The following C16orf78 variants were observed in gnomAD, a reference collection of about 807,000 sequenced individuals.
C16orf78 encodes the protein uncharacterized protein C16orf78.
In C16orf78, 19 loss-of-function variants were observed where a neutral mutation model predicts 27.3. That is an observed-to-expected ratio of 0.70 (90% CI 0.49 to 1.02). The LOEUF (loss-of-function observed/expected upper bound fraction) is 1.02, where lower values mean the gene tolerates loss of function less well. C16orf78 is among the 50% of genes least tolerant of loss of function. The pLI, the probability that C16orf78 is intolerant of heterozygous loss-of-function variation, is 0.00. For synonymous variants in C16orf78, 130 were observed against 116.1 expected (o/e 1.12, Z -0.77); for missense variants, 339 against 337.0 (o/e 1.01, Z -0.05).
At chr16:49,386,840 C>T (rs1262569408) in intron 3 of C16orf78, among the ~76,000 whole-genome samples, 1 of 152,114 alleles carries the variant, frequency 6.6e-6, no homozygotes, top group African/African-American at 2.4e-5. Flanking sequence ...CTTTATTCAG[C>T]CTACCATCAA....
chr16:49,397,237 C>G (rs1667450418), intron 4 of C16orf78, among the ~76,000 whole-genome samples: 1 of 152,166 alleles, frequency 6.6e-6, no homozygotes, highest in Admixed American at 6.5e-5. Context: ...ACCCCAGATT[C>G]CCCCATCAAA....
At chr16:49,376,940 A>G (rs1965226431) in intron 1 of C16orf78, among the ~76,000 whole-genome samples, 1 of 151,984 alleles carries the variant, frequency 6.6e-6, no homozygotes. Context: ...GCATATTCCC[A>G]GAGGAGATCC....
intron 3 of C16orf78, among the ~76,000 whole-genome samples, chr16:49,389,025 G>A (rs1359812140): frequency 6.6e-6 from 1 of 152,188 alleles, no homozygotes; most frequent in East Asian, 1.9e-4. Context: ...TTTCTAACTT[G>A]TTCCATCTAT....
At chr16:49,375,547 A>G (rs1323700521) in intron 1 of C16orf78, among the ~76,000 whole-genome samples, 1 of 152,156 alleles carries the variant, frequency 6.6e-6, no homozygotes, top group East Asian at 1.9e-4. Context: ...TCATGACAGT[A>G]CCAAGGGGAA....
chr16:49,388,325 A>G (rs79245383), intron 3 of C16orf78, among the ~76,000 whole-genome samples: 1,966 of 152,178 alleles, frequency 0.013, 26 homozygotes, highest in Middle Eastern at 0.024. Context: ...AGATTTCTCT[A>G]ACTTTTTGAT....
At chr16:49,375,891 G>A (rs1484179131) in intron 1 of C16orf78, among the ~76,000 whole-genome samples, 1 of 152,156 alleles carries the variant, frequency 6.6e-6, no homozygotes, top group East Asian at 1.9e-4. Flanking sequence ...ATATGTTCAG[G>A]TCTATCTCCT....
intron 1 of C16orf78, 54 bp downstream of exon 1, chr16:49,374,143 T>C (rs1216765890): frequency 1.3e-6 from 2 of 1,595,838 alleles, no homozygotes; most frequent in African/African-American, 1.3e-5. Context: ...GTAGTTGCAG[T>C]AGGGGAGAGA....
intron 3 of C16orf78, among the ~76,000 whole-genome samples, chr16:49,382,628 C>T (rs577926520): frequency 1.2e-4 from 18 of 152,176 alleles, no homozygotes; most frequent in South Asian, 4.2e-4. Context: ...TAAGGTGAGG[C>T]GAACCAGGAG....
intron 3 of C16orf78, among the ~76,000 whole-genome samples, chr16:49,381,514 A>G (rs1265688197): frequency 6.6e-6 from 1 of 152,218 alleles, no homozygotes; most frequent in African/African-American, 2.4e-5. Flanking sequence ...CAACCTACTC[A>G]TCTGACAAAG....
intron 4 of C16orf78, among the ~76,000 whole-genome samples, chr16:49,398,042 G>A (rs1378874353): frequency 6.6e-6 from 1 of 152,186 alleles, no homozygotes; most frequent in East Asian, 1.9e-4. Context: ...CTGGATTACA[G>A]ATGTGAGCCA....
intron 4 of C16orf78, among the ~76,000 whole-genome samples, chr16:49,398,008 C>T (rs1965494997): frequency 6.6e-6 from 1 of 152,182 alleles, no homozygotes; most frequent in African/African-American, 2.4e-5. Context: ...TCAGGTGGTT[C>T]ACCTTCCTTG....
chr16:49,394,949 C>T lies in C16orf78; in HGVS notation c.395-1474C>T, dbSNP rs537709171. Among the ~76,000 whole-genome samples the T allele has an allele frequency of 2.0e-5, 3 of 152,212 alleles. No individual in the cohort carries two copies. In the South Asian group the frequency reaches 6.2e-4, roughly 32 times the overall value. ...GTGGTGTGATCATAGCTCACCGCAG[C>T]CTTGACCTCCTGGGCTCGAGCAATC... On this transcript the variant is annotated intron_variant, in intron 3 of 4. Transcript: ENST00000299191.
intron 3 of C16orf78, among the ~76,000 whole-genome samples, chr16:49,388,764 T>G (rs910618304): frequency 6.6e-6 from 1 of 152,196 alleles, no homozygotes; most frequent in Non-Finnish European, 1.5e-5. Flanking sequence ...TGTGCCTAAC[T>G]TGGCCTTCCA....
At chr16:49,389,545 A>G (rs1018245127) in intron 3 of C16orf78, among the ~76,000 whole-genome samples, 1 of 152,124 alleles carries the variant, frequency 6.6e-6, no homozygotes, top group Non-Finnish European at 1.5e-5. Flanking sequence ...GCAGTGAGCC[A>G]AGATTGCACC....
At chr16:49,397,908 G>A (rs1330410999) in intron 4 of C16orf78, among the ~76,000 whole-genome samples, 1 of 152,140 alleles carries the variant, frequency 6.6e-6, no homozygotes, top group Admixed American at 6.5e-5. Flanking sequence ...TGGGATTATA[G>A]GCATGCACCA....
At chr16:49,374,599 G>A (rs1223788733) in intron 1 of C16orf78, among the ~76,000 whole-genome samples, 2 of 152,210 alleles carry the variant, frequency 1.3e-5, no homozygotes, top group South Asian at 2.1e-4. Flanking sequence ...GGGCCAAGGG[G>A]CAGTGGCTTC....
At chr16:49,390,405 T>C (rs1328784890) in intron 3 of C16orf78, among the ~76,000 whole-genome samples, 1 of 152,240 alleles carries the variant, frequency 6.6e-6, no homozygotes, top group Non-Finnish European at 1.5e-5. Flanking sequence ...TTTTTCTTCA[T>C]CTTTCAGTCT....
chr16:49,374,184 CG>C, intron 1 of C16orf78, 95 bp downstream of exon 1: 1 of 1,480,628 alleles, frequency 6.8e-7, no homozygotes, highest in Non-Finnish European at 9.1e-7. Flanking sequence ...AAACAAAAGG[CG>C]GGATGGTTTT....
intron 3 of C16orf78, among the ~76,000 whole-genome samples, chr16:49,379,174 C>T (rs1297706298): frequency 6.6e-6 from 1 of 152,090 alleles, no homozygotes; most frequent in African/African-American, 2.4e-5. Flanking sequence ...ACAACAATAC[C>T]TGCCTCATAG....
Sources: allele counts gnomAD v4.1 joint callset (sites outside exome capture counted in the v4.1 genomes callset), GRCh38; gene constraint gnomAD v4.1.1; transcripts MANE v1.5; gene names NCBI Gene and HGNC (gene_info 2026-07-23, HGNC 2026-07-21).